Variants in EYS observed in about 807,000 individuals in gnomAD.
EYS encodes the protein protein eyes shut homolog.
EYS carries 250 observed loss-of-function variants against 282.1 expected under a neutral mutation model. That is an observed-to-expected ratio of 0.89 (90% CI 0.80 to 0.98). The LOEUF is 0.98. Ranked by LOEUF, EYS falls within the 50% of genes least tolerant of loss-of-function variation. The pLI is 0.00. For synonymous variants in EYS, 1,355 were observed against 1,282.9 expected, an observed-to-expected ratio of 1.06 and a Z score of -1.20; for missense variants, 4,016 against 3,709.0, an observed-to-expected ratio of 1.08 and a Z score of -2.15.
intron 35 of EYS, among the ~76,000 whole-genome samples, chr6:63,974,491 G>T (rs1562126559): frequency 6.6e-6 from 1 of 152,044 alleles, no homozygotes; most frequent in Non-Finnish European, 1.5e-5. Context: ...ATTTAAGCCA[G>T]AGAAGTCTCT....
intron 29 of EYS, among the ~76,000 whole-genome samples, chr6:64,361,329 AACTG>A (rs1242697005): frequency 1.3e-5 from 2 of 151,698 alleles, no homozygotes; most frequent in Non-Finnish European, 3.0e-5. Flanking sequence ...TGGACAAGTA[AACTG>A]ACTGCAGAGC....
At chr6:65,605,967 G>A (rs1377375188) in intron 2 of EYS, among the ~76,000 whole-genome samples, 5 of 151,504 alleles carry the variant, frequency 3.3e-5, no homozygotes, top group Admixed American at 6.6e-5. Context: ...TCAGTAGTTT[G>A]AAAAGTAAAA....
intron 40 of EYS, among the ~76,000 whole-genome samples, chr6:63,773,480 T>A (rs1269120020): frequency 6.6e-6 from 1 of 152,166 alleles, no homozygotes; most frequent in African/African-American, 2.4e-5. Context: ...GATAGAGTAG[T>A]ACAATTAATT....
chr6:65,180,337 T>G (rs1765344401), intron 12 of EYS, among the ~76,000 whole-genome samples: 2 of 152,110 alleles, frequency 1.3e-5, no homozygotes, highest in African/African-American at 4.8e-5. Flanking sequence ...CTCCTTAAGC[T>G]GATAAACAAC....
intron 36 of EYS, among the ~76,000 whole-genome samples, chr6:63,845,442 T>G (rs899662797): frequency 3.3e-5 from 5 of 151,446 alleles, no homozygotes; most frequent in Admixed American, 6.6e-5. Context: ...GTTTAAAGAG[T>G]GATGTTCATT....
At chr6:63,721,926 G>T in intron 42 of EYS, 129 bp from the exon 43 acceptor site, 1 of 834,448 alleles carries the variant, frequency 1.2e-6, no homozygotes, top group South Asian at 1.9e-5. Flanking sequence ...GAGCACAATT[G>T]TGTTAGTTTT....
chr6:63,922,825 A>G lies in EYS; in HGVS notation c.7056-58467T>C, dbSNP rs185031003. Reference sequence around the variant, plus strand: ...AATCTAACATGATTCATTTTAGAACACTAACTCTGATATCTAATCCAAAAA... The same window carrying G: ...AATCTAACATGATTCATTTTAGAACGCTAACTCTGATATCTAATCCAAAAA... On this transcript the variant is annotated intron_variant, in intron 35 of 42. Coordinates refer to ENST00000503581, the MANE Select transcript of EYS (RefSeq NM_001142800.2). Among the ~76,000 whole-genome samples the G allele has an allele frequency of 6.4e-4, 98 of 152,296 alleles. 1 individual carries two copies. In the East Asian group the frequency reaches 8.9e-3, roughly 14 times the overall value.
At chr6:64,700,993 A>C (rs1208157125) in intron 22 of EYS, among the ~76,000 whole-genome samples, 4 of 152,094 alleles carry the variant, frequency 2.6e-5, no homozygotes, top group African/African-American at 9.6e-5. Context: ...ATAGTAACCC[A>C]AACAACATGA....
intron 31 of EYS, among the ~76,000 whole-genome samples, chr6:64,090,326 C>G (rs1200792749): frequency 1.3e-5 from 2 of 152,052 alleles, no homozygotes; most frequent in Non-Finnish European, 2.9e-5. Flanking sequence ...ATAGATAGAG[C>G]CTGACTTAAC....
intron 8 of EYS, among the ~76,000 whole-genome samples, chr6:65,372,454 T>C (rs1177582712): frequency 1.3e-5 from 2 of 152,092 alleles, no homozygotes; most frequent in Non-Finnish European, 2.9e-5. Flanking sequence ...TTTAATTGCA[T>C]AGTACCTGTA....
intron 31 of EYS, among the ~76,000 whole-genome samples, chr6:64,184,160 T>C (rs1449751058): frequency 6.6e-6 from 1 of 152,168 alleles, no homozygotes; most frequent in African/African-American, 2.4e-5. Flanking sequence ...TTGGGTCGTT[T>C]TGCCATTGAC....
intron 31 of EYS, among the ~76,000 whole-genome samples, chr6:64,125,169 T>TCGCGCGCGCGCGCGCGCG (rs1773729023): frequency 6.6e-6 from 1 of 151,164 alleles, no homozygotes; most frequent in African/African-American, 2.4e-5. Flanking sequence ...TCTCTCTCTC[T>TCGCGCGCGCGCGCGCGCG]CTCTCTCGCT....
intron 8 of EYS, among the ~76,000 whole-genome samples, chr6:65,356,860 G>T (rs1007589879): frequency 6.6e-6 from 1 of 151,896 alleles, no homozygotes; most frequent in Non-Finnish European, 1.5e-5. Flanking sequence ...CTCTGATTCT[G>T]ACCTCTCATT....
In EYS at chr6:65,104,448, C is replaced by G. The variant is rs537247817; in HGVS notation, c.2024-46721G>C. On this transcript the variant is annotated intron_variant, in intron 12 of 42. Transcript: ENST00000503581. ...AGCCCACAATTTGAGTAAATGCTAA[C>G]ATATTTTTTGTTGCTTCAAGTCTCT... 1.1e-4 allele frequency among the ~76,000 whole-genome samples: 16 copies of G among 151,594 alleles called. No individual in the cohort carries two copies. The East Asian group carries it at 3.1e-3, about 29-fold the overall frequency.
At chr6:65,553,665 A>C (rs1768681203) in intron 2 of EYS, among the ~76,000 whole-genome samples, 3 of 152,054 alleles carry the variant, frequency 2.0e-5, no homozygotes, top group Admixed American at 2.0e-4. Flanking sequence ...AAAACAAAAC[A>C]AACAAAAACA....
chr6:63,787,659 T>A (rs562793250), intron 39 of EYS, among the ~76,000 whole-genome samples: 2 of 152,302 alleles, frequency 1.3e-5, no homozygotes, highest in East Asian at 3.9e-4. Context: ...GGTCAATAAA[T>A]AGTAAATGAG....
At chr6:63,846,536 C>T (rs1166733553) in intron 36 of EYS, among the ~76,000 whole-genome samples, 1 of 152,214 alleles carries the variant, frequency 6.6e-6, no homozygotes, top group Non-Finnish European at 1.5e-5. Flanking sequence ...TACAAAATGT[C>T]ATTGTTGAAA....
At chr6:64,571,022 A>C (rs1765708524) in intron 26 of EYS, among the ~76,000 whole-genome samples, 1 of 152,178 alleles carries the variant, frequency 6.6e-6, no homozygotes, top group South Asian at 2.1e-4. Flanking sequence ...TTGACCATAT[A>C]ATTAGAAGTG....
At chr6:63,777,833 C>T in intron 40 of EYS, 173 bp downstream of exon 40, 2 of 612,852 alleles carry the variant, frequency 3.3e-6, no homozygotes, top group East Asian at 5.7e-5. Context: ...TGTGCTGATC[C>T]TATTTTTAGT....
Sources: allele counts gnomAD v4.1 joint callset (sites outside exome capture counted in the v4.1 genomes callset), GRCh38; gene constraint gnomAD v4.1.1; transcripts MANE v1.5; gene names NCBI Gene and HGNC (gene_info 2026-07-23, HGNC 2026-07-21).